The following GPR101 variants were observed in gnomAD, a reference collection of about 807,000 sequenced individuals.
GPR101 encodes G protein-coupled receptor 101.
GPR101 carries 8 observed loss-of-function variants against 16.4 expected under a neutral mutation model. The ratio of observed to expected loss-of-function variants is 0.49; its 90% confidence interval spans 0.29 to 0.88. The LOEUF (loss-of-function observed/expected upper bound fraction) is 0.88. Ranked by LOEUF, GPR101 falls within the 40% of genes least tolerant of loss-of-function variation. The pLI, the probability that GPR101 is intolerant of heterozygous loss-of-function variation, is 0.09. For synonymous variants in GPR101, 155 were observed against 168.7 expected (o/e 0.92, Z 0.63); for missense variants, 375 against 411.7 (o/e 0.91, Z 0.77).
At position 137,031,093 on chromosome X, in the gene GPR101, A is replaced by G. The variant is rs1208469758; in HGVS notation, c.582T>C (p.Ile194=). The change falls in exon 2 of 2, where the codon ATT becomes ATC. Residue 194 remains isoleucine, a synonymous_variant. Coordinates refer to ENST00000651716, the MANE Select transcript of GPR101 (RefSeq NM_054021.2). ...TGACGATGAAGGACACCACGCTGAG[A>G]ATAGTGTAGCTGGGGCTGGCCCCCC... ...MIWGASPSYT[I]LSVVSFIVIP... The G allele has an allele frequency of 5.0e-6, 6 of 1,210,537 alleles. No homozygotes were observed. Among genetic ancestry groups the G allele is most frequent in the Non-Finnish European group, 5.6e-6 (5 of 895,251 alleles).
At position 137,030,235 on chromosome X, in the gene GPR101, T is replaced by C. The variant is rs1452177095; in HGVS notation, c.1440A>G (p.Lys480=). Residue 480 remains lysine, a synonymous_variant, in exon 2 of 2, where the codon AAA becomes AAG. Transcript: ENST00000651716. ...CGGGCAGGTCTGGGTGGCTATCTTC[T>C]TTCGGGGGCTTTTCCTTGCAGAAGA... ...KKFFCKEKPP[K]EDSHPDLPGT... is the part of the protein sequence containing the mutation. 8.3e-7 allele frequency: 1 copy of C among 1,209,358 alleles called. No homozygotes were observed. Among genetic ancestry groups the C allele is most frequent in the African/African-American group, 1.7e-5 (1 of 57,145 alleles).
In GPR101 at chrX:137,024,573, A is replaced by T. The variant is rs1323640133; in HGVS notation, c.*5575T>A. ...TTAGTTGTAATATTTTGTTCTGAAA[A>T]TATAACAAAATCATCTTATAGTTTT... On this transcript the variant is annotated 3_prime_UTR_variant, in exon 2 of 2. Coordinates refer to ENST00000651716, the MANE Select transcript of GPR101 (RefSeq NM_054021.2). Among the ~76,000 whole-genome samples, 1 of 111,698 alleles carries T rather than the reference A, an allele frequency of 9.0e-6. No individual in the cohort carries two copies. Among genetic ancestry groups the T allele is most frequent in the Non-Finnish European group, 1.9e-5 (1 of 53,191 alleles).
rs1927191085 is a variant in GPR101, at chrX:137,027,851, A to G, written c.*2297T>C. Among the ~76,000 whole-genome samples the G allele has an allele frequency of 1.8e-5, 2 of 112,541 alleles. No individual in the cohort carries two copies. The highest frequency in any genetic ancestry group is 7.3e-4 in the South Asian group (2 of 2,742). Reference sequence around the variant, plus strand: ...GAAGGGGGTGAGCTTTAAAAATAAAACAAGAAGTTCAGTTTTAACACAATG... The same window carrying G: ...GAAGGGGGTGAGCTTTAAAAATAAAGCAAGAAGTTCAGTTTTAACACAATG... On this transcript the variant is annotated 3_prime_UTR_variant, in exon 2 of 2. Coordinates refer to ENST00000651716, the MANE Select transcript of GPR101 (RefSeq NM_054021.2).
rs1220732645 is a variant in GPR101 at position 137,031,359 on chromosome X, C to G, written c.316G>C (p.Ala106Pro). Reference sequence around the variant, plus strand: ...AACAGGTGGGTGAGGCTAACCAGGGCCGTGCAGAAGTGGCTGTTGAGGGGC... The same window carrying G: ...AACAGGTGGGTGAGGCTAACCAGGGGCGTGCAGAAGTGGCTGTTGAGGGGC... The part of the protein sequence containing the change: ...FWPLNSHFCT[A>P]LVSLTHLFAF... The change falls in exon 2 of 2, where the codon GCC becomes CCC. Residue 106 changes from alanine (A) to proline (P), a missense_variant. Transcript: ENST00000651716. The G allele has an allele frequency of 8.3e-7, 1 of 1,197,844 alleles. No homozygotes were observed. The highest frequency in any genetic ancestry group is 2.2e-5 in the Admixed American group (1 of 45,323).
rs1217869163 is a variant in GPR101 at position 137,031,214 on chromosome X, C to T, written c.461G>A (p.Gly154Asp). ...CTGCAGGATGGCCACAATCCAGGTG[C>T]CATAGAGGAGCAGGTAACCGCGGCG... ...TQRRGYLLLYGTWIVAILQST... is the reference protein window; with the variant it reads ...TQRRGYLLLYDTWIVAILQST... The change falls in exon 2 of 2, where the codon GGC becomes GAC. Residue 154 changes from glycine (G) to aspartate (D), a missense_variant. Transcript: ENST00000651716. 8.3e-7 allele frequency: 1 copy of T among 1,211,769 alleles called. No individual in the cohort carries two copies. The highest frequency in any genetic ancestry group is 2.2e-5 in the Admixed American group (1 of 46,111).
rs1321017042 is a variant in GPR101 at position 137,026,507 on chromosome X, ATCT to A, written c.*3638_*3640del. The stretch of plus-strand genomic sequence containing the variant: ...ATTATTCTTCAGGTAGTATGAAAAA[ATCT>A]TCTTGAAGTAACTTTACCTAGCTTA... On this transcript the variant is annotated 3_prime_UTR_variant, in exon 2 of 2. Transcript: ENST00000651716. 3.6e-5 allele frequency among the ~76,000 whole-genome samples: 4 copies of A among 112,106 alleles called. No individual in the cohort carries two copies. The highest frequency in any genetic ancestry group is 1.9e-4 in the Admixed American group (2 of 10,545).
rs1296493396 is a variant in GPR101, at chrX:137,025,621, G to C, written c.*4527C>G. On this transcript the variant is annotated 3_prime_UTR_variant, in exon 2 of 2. Coordinates refer to ENST00000651716, the MANE Select transcript of GPR101 (RefSeq NM_054021.2). Reference sequence around the variant, plus strand: ...TCCTGCTGAGTGTCTAAGTCACTGTGGTTTTCCCTTGGTGTGTGTACTCTG... The same window carrying C: ...TCCTGCTGAGTGTCTAAGTCACTGTCGTTTTCCCTTGGTGTGTGTACTCTG... 8.9e-6 allele frequency among the ~76,000 whole-genome samples: 1 copy of C among 112,261 alleles called. No individual in the cohort carries two copies. The highest frequency in any genetic ancestry group is 2.8e-4 in the East Asian group (1 of 3,582).
rs898924242 is a variant in GPR101, at chrX:137,026,052, G to C, written c.*4096C>G. On this transcript the variant is annotated 3_prime_UTR_variant, in exon 2 of 2. Coordinates refer to ENST00000651716, the MANE Select transcript of GPR101 (RefSeq NM_054021.2). ...TCCAGCCCATGGAAAGTAAGAGGAA[G>C]AGATAAGGAGGGAGAGGGTTAAAAG... Among the ~76,000 whole-genome samples the C allele has an allele frequency of 8.9e-6, 1 of 112,178 alleles. No homozygotes were observed. The highest frequency in any genetic ancestry group is 3.2e-5 in the African/African-American group (1 of 30,856).
rs1404202789 is a variant in GPR101 at position 137,031,143 on chromosome X, G to T, written c.532C>A (p.Arg178Ser). ...YGWGQAAFDE[R>S]NALCSMIWGA... ...CAGATCATGGAGCAGAGAGCATTGC[G>T]CTCATCAAAGGCAGCCTGGCCCCAG... The change falls in exon 2 of 2, where the codon CGC becomes AGC. Residue 178 changes from arginine (R) to serine (S), a missense_variant. Physicochemically the swap from Arg to Ser is moderately radical, Grantham distance 110. Transcript: ENST00000651716. The T allele has an allele frequency of 8.3e-7, 1 of 1,210,277 alleles. No individual in the cohort carries two copies. Among genetic ancestry groups the T allele is most frequent in the Non-Finnish European group, 1.1e-6 (1 of 895,193 alleles).
At chrX:137,033,642 A>G (rs1038231966) in intron 1 of GPR101, among the ~76,000 whole-genome samples, 160 bp downstream of exon 1, 1 of 111,980 alleles carries the variant, frequency 8.9e-6, no homozygotes, top group Non-Finnish European at 1.9e-5. Flanking sequence ...GGGCGGGAGG[A>G]TGGCTAGGGA....
rs1800212842 is a variant in GPR101 at position 137,031,778 on chromosome X, A to G, written c.-92-12T>C. 1.5e-6 allele frequency: 1 copy of G among 662,785 alleles called. No homozygotes were observed. The highest frequency in any genetic ancestry group is 4.0e-5 in the Admixed American group (1 of 24,881). 54.6% of individuals were successfully genotyped at this position (662,785 alleles called of 1,213,427 possible). On this transcript the variant is annotated splice_polypyrimidine_tract_variant and intron_variant, in intron 1 of 1. Coordinates refer to ENST00000651716, the MANE Select transcript of GPR101 (RefSeq NM_054021.2). ...ACTCAGTGCCTATGCTGGTGACAAA[A>G]GAAACACGCAGGCAGAGTTAGTCAC...
Position 137,026,035 on chromosome X carries a change from A to G in GPR101, c.*4113T>C. On this transcript the variant is annotated 3_prime_UTR_variant, in exon 2 of 2. Transcript: ENST00000651716. The stretch of plus-strand genomic sequence containing the variant: ...GGGGCCGAGAGCACTAGTCCAGCCC[A>G]TGGAAAGTAAGAGGAAGAGATAAGG... 8.9e-6 allele frequency among the ~76,000 whole-genome samples: 1 copy of G among 112,248 alleles called. No individual in the cohort carries two copies. The highest frequency in any genetic ancestry group is 3.2e-5 in the African/African-American group (1 of 30,958).
chrX:137,030,168 C>T lies in GPR101; in HGVS notation c.1507G>A (p.Asp503Asn), dbSNP rs751971846. The T allele has an allele frequency of 5.1e-6, 6 of 1,182,039 alleles. No homozygotes were observed. In the African/African-American group the frequency reaches 7.1e-5, roughly 14 times the overall value. Residue 503 changes from aspartate to asparagine, a missense_variant, in exon 2 of 2, where the codon GAT becomes AAT. Transcript: ENST00000651716. ...GTEGKIVPSY[D>N]SATFP ...TAACTTCAAGGAAAAGTAGCAGAATCGTAGGAAGGGACAATCTTGCCTTCA... is the reference window on the plus strand; with the variant it reads ...TAACTTCAAGGAAAAGTAGCAGAATTGTAGGAAGGGACAATCTTGCCTTCA...
chrX:137,029,321 G>C lies in GPR101; in HGVS notation c.*827C>G, dbSNP rs1569453938. 8.9e-6 allele frequency among the ~76,000 whole-genome samples: 1 copy of C among 112,178 alleles called. No homozygotes were observed. Among genetic ancestry groups the C allele is most frequent in the Non-Finnish European group, 1.9e-5 (1 of 53,246 alleles). On this transcript the variant is annotated 3_prime_UTR_variant, in exon 2 of 2. Transcript: ENST00000651716. ...ACATAAGGGAAGTTGTAAAATAGTG[G>C]CATGATTTCTGCCCCACTATTATTC...
rs1927148935 is a variant in GPR101 at position 137,024,953 on chromosome X, C to T, written c.*5195G>A. 9.0e-6 allele frequency among the ~76,000 whole-genome samples: 1 copy of T among 111,598 alleles called. No individual in the cohort carries two copies. Among genetic ancestry groups the T allele is most frequent in the East Asian group, 2.8e-4 (1 of 3,585 alleles). ...TTCCTTTTTAATGGAGAAGGATGGT[C>T]TTCTTTGAGTTTGCATTCTATATAT... is the stretch of plus-strand genomic sequence containing the variant. On this transcript the variant is annotated 3_prime_UTR_variant, in exon 2 of 2. Transcript: ENST00000651716.
At position 137,031,023 on chromosome X, in the gene GPR101, C is replaced by T; in HGVS notation, c.652G>A (p.Ala218Thr). 8.2e-7 allele frequency: 1 copy of T among 1,212,166 alleles called. No individual in the cohort carries two copies. The highest frequency in any genetic ancestry group is 1.1e-6 in the Non-Finnish European group (1 of 895,570). The change falls in exon 2 of 2, where the codon GCA becomes ACA. Residue 218 changes from alanine (A) to threonine (T), a missense_variant. Physicochemically the swap from Ala to Thr is moderately conservative, Grantham distance 58. Coordinates refer to ENST00000651716, the MANE Select transcript of GPR101 (RefSeq NM_054021.2). ...AGCAGAGCATGCTGCCTCCGGGCTG[C>T]ACAGAACACCACGGAGTAGCAGGCA... ...MIACYSVVFCAARRQHALLYN... is the reference protein window; with the variant it reads ...MIACYSVVFCTARRQHALLYN...
rs1172947033 is a variant in GPR101 at position 137,026,509 on chromosome X, C to A, written c.*3639G>T. Among the ~76,000 whole-genome samples the A allele has an allele frequency of 8.9e-6, 1 of 111,784 alleles. No individual in the cohort carries two copies. The highest frequency in any genetic ancestry group is 1.9e-5 in the Non-Finnish European group (1 of 53,165). On this transcript the variant is annotated 3_prime_UTR_variant, in exon 2 of 2. Coordinates refer to ENST00000651716, the MANE Select transcript of GPR101 (RefSeq NM_054021.2). ...TATTCTTCAGGTAGTATGAAAAAAT[C>A]TTCTTGAAGTAACTTTACCTAGCTT...
chrX:137,031,416 A>G lies in GPR101; in HGVS notation c.259T>C (p.Trp87Arg), dbSNP rs1927263487. 1 of 1,188,852 alleles carries G rather than the reference A, an allele frequency of 8.4e-7. No individual in the cohort carries two copies. Among genetic ancestry groups the G allele is most frequent in the South Asian group, 1.9e-5 (1 of 52,591 alleles). Residue 87 changes from tryptophan to arginine, a missense_variant, in exon 2 of 2, where the codon TGG (tryptophan) becomes CGG (arginine). Trp to Arg is a moderately radical substitution (Grantham distance 101). Coordinates refer to ENST00000651716, the MANE Select transcript of GPR101 (RefSeq NM_054021.2). ...DLLQISLVAPWVVATSVPLFW... is the reference protein window; with the variant it reads ...DLLQISLVAPRVVATSVPLFW... ...AGAGGCACAGAGGTGGCCACCACCC[A>G]GGGGGCCACGAGCGAAATCTGCAGC...
chrX:137,032,094 A>G (rs774220201), intron 1 of GPR101, among the ~76,000 whole-genome samples: 71 of 110,855 alleles, frequency 6.4e-4, no homozygotes, highest in Non-Finnish European at 1.2e-3. Flanking sequence ...CTGTCTGTTT[A>G]CGACCGTCAG....
Sources: allele counts gnomAD v4.1 joint callset (sites outside exome capture counted in the v4.1 genomes callset), GRCh38; gene constraint gnomAD v4.1.1; transcripts MANE v1.5; gene names NCBI Gene and HGNC (gene_info 2026-07-23, HGNC 2026-07-21).